GPCPD1: variants seen among roughly 807,000 people sequenced by gnomAD.
GPCPD1 encodes glycerophosphocholine phosphodiesterase 1, also known as glycerophosphocholine phosphodiesterase GPCPD1.
A neutral mutation model predicts 89.2 loss-of-function variants in GPCPD1; 29 were observed. The observed-to-expected ratio is 0.33, with a 90% CI of 0.24 to 0.44. The LOEUF (loss-of-function observed/expected upper bound fraction) is 0.44, where lower values mean the gene tolerates loss of function less well. Among genes scored for constraint, GPCPD1 ranks in the 20% least tolerant of loss-of-function variants. The pLI is 1.00. For missense variants in GPCPD1, 594 were observed against 808.9 expected, an observed-to-expected ratio of 0.73 and a Z score of 3.22; for synonymous variants, 258 against 266.3, an observed-to-expected ratio of 0.97 and a Z score of 0.30.
chr20:5,557,858 T>G, intron 19 of GPCPD1, 87 bp downstream of exon 19: 1 of 749,844 alleles, frequency 1.3e-6, no homozygotes, highest in Non-Finnish European at 2.1e-6. Flanking sequence ...GAATTTTAAC[T>G]TAACTAAGTT....
At chr20:5,571,121 A>G (rs6053503) in intron 11 of GPCPD1, among the ~76,000 whole-genome samples, 37,494 of 152,064 alleles carry the variant, frequency 0.25, 5,078 homozygotes, top group East Asian at 0.43. Context: ...CTGGCTCTAA[A>G]TTGTCAAGGG....
intron 4 of GPCPD1, 72 bp from the exon 5 acceptor site, chr20:5,586,341 T>G: frequency 1.2e-6 from 1 of 812,112 alleles, no homozygotes; most frequent in Non-Finnish European, 2.1e-6. Context: ...CCATTAGATG[T>G]TTGTGGCCTA....
rs1406057334 is a variant in GPCPD1 at position 5,547,174 on chromosome 20, A to T, written c.*487T>A. The T allele has an allele frequency of 2.0e-5, 3 of 152,610 alleles. No homozygotes were observed. The highest frequency in any genetic ancestry group is 6.5e-5 in the Admixed American group (1 of 15,284). 9.5% of individuals were successfully genotyped at this position (152,610 alleles called of 1,614,324 possible). A position where few individuals can be genotyped will look rare whatever the true frequency, so the allele number is the denominator to read the frequency against. ...ATGTCAACCCATGTAAAAAATACCTATATACAAGATGGCACAAAGATTTGT... is the reference window on the plus strand; with the variant it reads ...ATGTCAACCCATGTAAAAAATACCTTTATACAAGATGGCACAAAGATTTGT... On this transcript the variant is annotated 3_prime_UTR_variant, in exon 20 of 20. Transcript: ENST00000379019.
intron 15 of GPCPD1, among the ~76,000 whole-genome samples, chr20:5,564,342 C>A (rs1185587367): frequency 1.4e-5 from 2 of 138,496 alleles, no homozygotes; most frequent in African/African-American, 2.6e-5. Context: ...AAAAAAAAAC[C>A]AAAAACTGCC....
At chr20:5,554,372 GGCTTCAAA>G (rs983016619) in intron 19 of GPCPD1, among the ~76,000 whole-genome samples, 2 of 152,118 alleles carry the variant, frequency 1.3e-5, no homozygotes, top group African/African-American at 4.8e-5. Context: ...GTCAATGCCT[GGCTTCAAA>G]GCTTCAAATA....
intron 5 of GPCPD1, 74 bp from the exon 6 acceptor site, chr20:5,584,396 C>G: frequency 1.4e-6 from 1 of 704,358 alleles, no homozygotes; most frequent in Non-Finnish European, 2.6e-6. Flanking sequence ...AGAAATTACC[C>G]ACCTTAAAGA....
chr20:5,567,483 C>G lies in GPCPD1; in HGVS notation c.1227G>C (p.Lys409Asn). ...TTACATTTCATGTTATTATTACTAC[C>G]TTTAACAACTGGAGTTGGTCAAATG... The part of the protein sequence containing the change: ...ELTFDQLQLL[K>N]LTHVTALKSK... The change falls in exon 13 of 20, where the codon AAG becomes AAC. Residue 409 changes from lysine to asparagine, a missense_variant and splice_region_variant. By Grantham distance (94) the Lys-to-Asn change is moderately conservative (BLOSUM62 0). Coordinates refer to ENST00000379019, the MANE Select transcript of GPCPD1 (RefSeq NM_019593.5). 1.9e-6 allele frequency: 3 copies of G among 1,562,852 alleles called. No individual in the cohort carries two copies. The highest frequency in any genetic ancestry group is 2.6e-6 in the Non-Finnish European group (3 of 1,162,344).
At position 5,558,711 on chromosome 20, in the gene GPCPD1, C is replaced by T; in HGVS notation, c.1641G>A (p.Met547Ile). Residue 547 changes from methionine to isoleucine, a missense_variant, in exon 18 of 20, where the codon ATG becomes ATA. By Grantham distance (10) the Met-to-Ile change is conservative (BLOSUM62 1). Transcript: ENST00000379019. The part of the protein sequence containing the change: ...DLRSRTTPIA[M>I]SFAQFENLLG... ...GTAGATTTTCAAACTGTGCAAAGCT[C>T]ATTGCAATGGGGGTTGTCCGAGATC... 6.3e-7 allele frequency: 1 copy of T among 1,594,408 alleles called. No individual in the cohort carries two copies. Among genetic ancestry groups the T allele is most frequent in the Non-Finnish European group, 8.5e-7 (1 of 1,170,984 alleles).
At position 5,576,394 on chromosome 20, in the gene GPCPD1, T is replaced by C. The variant is rs572193408; in HGVS notation, c.706-416A>G. Among the ~76,000 whole-genome samples, 81 of 135,944 alleles carry C rather than the reference T, an allele frequency of 6.0e-4. 1 individual carries two copies. Among genetic ancestry groups the C allele is most frequent in the African/African-American group, 2.1e-3 (73 of 35,588 alleles). The allele number at this position is 135,944 out of a possible 152,430, so 89.2% of individuals were successfully genotyped here. A position where few individuals can be genotyped will look rare whatever the true frequency, so the allele number is the denominator to read the frequency against. Reference sequence around the variant, plus strand: ...GAGATCGTACCACTGCACTCCAGCCTGGACAACAGAGCAACACTCCATCTC... The same window carrying C: ...GAGATCGTACCACTGCACTCCAGCCCGGACAACAGAGCAACACTCCATCTC... On this transcript the variant is annotated intron_variant, in intron 8 of 19. Transcript: ENST00000379019.
rs574748288 is a variant in GPCPD1 at position 5,574,904 on chromosome 20, C to T, written c.1001+509G>A. On this transcript the variant is annotated intron_variant, in intron 10 of 19. Coordinates refer to ENST00000379019, the MANE Select transcript of GPCPD1 (RefSeq NM_019593.5). ...GTAGAAAATCTGTGGCATGAGCTAT[C>T]GCACTGGTAATTAAATAAACTTACA... 7.2e-5 allele frequency among the ~76,000 whole-genome samples: 11 copies of T among 152,268 alleles called. 1 individual carries two copies. In the South Asian group the frequency reaches 1.7e-3, roughly 23 times the overall value.
At chr20:5,590,180 T>A (rs887360456) in intron 4 of GPCPD1, among the ~76,000 whole-genome samples, 3 of 152,148 alleles carry the variant, frequency 2.0e-5, no homozygotes, top group Non-Finnish European at 4.4e-5. Context: ...ATATCACAAA[T>A]TTTTAAAACT....
chr20:5,570,935 A>T (rs895021684), intron 11 of GPCPD1, among the ~76,000 whole-genome samples: 1 of 151,980 alleles, frequency 6.6e-6, no homozygotes, highest in Non-Finnish European at 1.5e-5. Context: ...AAAGAAAGAA[A>T]GAAAAAGGCA....
chr20:5,603,527 G>A lies in GPCPD1; in HGVS notation c.49+837C>T, dbSNP rs538657488. ...GAGGAAGAAAGGAGGAAGGAATGGA[G>A]CACATTTAAGGAACTGAAAGGCCAG... is the stretch of plus-strand genomic sequence containing the variant. On this transcript the variant is annotated intron_variant, in intron 2 of 19. Coordinates refer to ENST00000379019, the MANE Select transcript of GPCPD1 (RefSeq NM_019593.5). Among the ~76,000 whole-genome samples, 34 of 152,014 alleles carry A rather than the reference G, an allele frequency of 2.2e-4. No individual in the cohort carries two copies. In the South Asian group the frequency reaches 6.9e-3, roughly 31 times the overall value.
At chr20:5,557,204 G>C (rs1328867602) in intron 19 of GPCPD1, among the ~76,000 whole-genome samples, 1 of 152,172 alleles carries the variant, frequency 6.6e-6, no homozygotes, top group Non-Finnish European at 1.5e-5. Flanking sequence ...AAAACTGTGG[G>C]AGAGTTTTAA....
At chr20:5,598,488 T>C (rs551296982) in intron 3 of GPCPD1, among the ~76,000 whole-genome samples, 2 of 138,040 alleles carry the variant, frequency 1.4e-5, no homozygotes, top group Admixed American at 7.2e-5. Context: ...AAATAAAAAA[T>C]ACATCTAAAA....
In GPCPD1 at chr20:5,565,022, T is replaced by C. The variant is rs1568650528; in HGVS notation, c.1324A>G (p.Lys442Glu). Residue 442 changes from lysine (K) to glutamate (E), a missense_variant, in exon 15 of 20, where the codon AAG (lysine) becomes GAG (glutamate). Transcript: ENST00000379019. ...GGTTTTCCTCAATAACTTACCATCTTAAGAGAAGGAAATGGCTGATTTTCT... is the reference window on the plus strand; with the variant it reads ...GGTTTTCCTCAATAACTTACCATCTCAAGAGAAGGAAATGGCTGATTTTCT... Reference protein sequence around the residue: ...FSENQPFPSLKMVLESLPEDV... With the variant: ...FSENQPFPSLEMVLESLPEDV... The C allele has an allele frequency of 2.0e-6, 3 of 1,468,454 alleles. No individual in the cohort carries two copies. Among genetic ancestry groups the C allele is most frequent in the Non-Finnish European group, 2.9e-6 (3 of 1,047,650 alleles). The allele number at this position is 1,468,454 out of a possible 1,614,324, so 91.0% of individuals were successfully genotyped here.
At chr20:5,570,335 A>G in intron 11 of GPCPD1, 96 bp from the exon 12 acceptor site, 5 of 537,412 alleles carry the variant, frequency 9.3e-6, no homozygotes, top group South Asian at 5.9e-5. Flanking sequence ...CTATAAAATT[A>G]CAGACCTGTA....
chr20:5,570,807 C>T (rs187096177), intron 11 of GPCPD1, among the ~76,000 whole-genome samples: 358 of 152,162 alleles, frequency 2.4e-3, no homozygotes, highest in Non-Finnish European at 4.0e-3. Flanking sequence ...TGCTCATGTC[C>T]GGTTTCCTAA....
chr20:5,592,660 G>A (rs1979412318), intron 4 of GPCPD1, among the ~76,000 whole-genome samples: 1 of 152,180 alleles, frequency 6.6e-6, no homozygotes, highest in Non-Finnish European at 1.5e-5. Flanking sequence ...GCCCAAGGGT[G>A]TCAAATGTAA....
Sources: gnomAD v4.1 joint callset for allele counts (sites outside exome capture counted in the v4.1 genomes callset) on GRCh38, gnomAD v4.1.1 for gene constraint, MANE v1.5 for transcripts, NCBI Gene and HGNC (gene_info 2026-07-23, HGNC 2026-07-21) for gene names.